The following ALPL variants were observed in gnomAD, a reference collection of about 807,000 sequenced individuals.
ALPL encodes alkaline phosphatase, biomineralization associated.
In ALPL, 42 loss-of-function variants were observed where a neutral mutation model predicts 51.3. The ratio of observed to expected loss-of-function variants is 0.82; its 90% confidence interval spans 0.64 to 1.06. The LOEUF is 1.06. Among genes scored for constraint, ALPL ranks in the 50% least tolerant of loss-of-function variants. The probability of loss-of-function intolerance (pLI) is 0.00; values close to 1 mark genes in which losing one functional copy is unlikely to be tolerated. For synonymous variants in ALPL, 279 were observed against 296.4 expected (o/e 0.94, Z 0.60); for missense variants, 589 against 709.4 (o/e 0.83, Z 1.93).
chr1:21,554,804 TCTG>T (rs1558543797), intron 2 of ALPL, among the ~76,000 whole-genome samples: 2,715 of 39,132 alleles, frequency 0.069, 51 homozygotes, highest in East Asian at 0.1. Flanking sequence ...TGTCTGTCTG[TCTG>T]TCTGTCTGTC....
At chr1:21,547,401 A>G (rs1247270894) in intron 1 of ALPL, among the ~76,000 whole-genome samples, 2 of 152,120 alleles carry the variant, frequency 1.3e-5, no homozygotes, top group Non-Finnish European at 2.9e-5. Flanking sequence ...TCTTTGCCCC[A>G]AGATGGCCCT....
intron 2 of ALPL, among the ~76,000 whole-genome samples, chr1:21,557,607 G>C (rs541584717): frequency 6.6e-6 from 1 of 152,350 alleles, no homozygotes; most frequent in African/African-American, 2.4e-5. Context: ...TGTATCTGCT[G>C]TTGCCAGGCT....
chr1:21,511,635 A>G (rs1298828502), intron 1 of ALPL, among the ~76,000 whole-genome samples: 1 of 152,152 alleles, frequency 6.6e-6, no homozygotes, highest in Non-Finnish European at 1.5e-5. Context: ...GCTCACACTC[A>G]GATGCCACCT....
intron 1 of ALPL, among the ~76,000 whole-genome samples, chr1:21,552,106 T>C (rs190888672): frequency 0.14 from 4,718 of 33,248 alleles, 182 homozygotes; most frequent in African/African-American, 0.22. Flanking sequence ...CCCTTCCCTT[T>C]CCTCCCCTTC....
chr1:21,566,977 T>A (rs538534036), intron 6 of ALPL, among the ~76,000 whole-genome samples: 1 of 152,082 alleles, frequency 6.6e-6, no homozygotes, highest in South Asian at 2.1e-4. Flanking sequence ...AGAGTCAGGG[T>A]TCAAACCCAA....
chr1:21,560,489 G>A (rs1644467491), intron 2 of ALPL, 137 bp from the exon 3 acceptor site: 2 of 1,134,848 alleles, frequency 1.8e-6, no homozygotes. Flanking sequence ...CAGATGTGTT[G>A]TCTGGGTGGG....
intron 9 of ALPL, 62 bp from the exon 10 acceptor site, chr1:21,575,671 G>T: frequency 6.3e-7 from 1 of 1,591,674 alleles, no homozygotes. Flanking sequence ...AGTGTTGTGG[G>T]GCTGGGGAGC....
At chr1:21,549,655 G>A (rs1005341849) in intron 1 of ALPL, among the ~76,000 whole-genome samples, 11 of 151,928 alleles carry the variant, frequency 7.2e-5, no homozygotes, top group African/African-American at 2.7e-4. Flanking sequence ...TGTAGAGAGA[G>A]TTTCACCATG....
In ALPL at chr1:21,522,448, A is replaced by C. The variant is rs185030367; in HGVS notation, c.-105+12931A>C. Among the ~76,000 whole-genome samples, 8 of 152,224 alleles carry C rather than the reference A, an allele frequency of 5.3e-5. No individual in the cohort carries two copies. The East Asian group carries it at 1.4e-3, about 26-fold the overall frequency. ...CATGTATTTTTTCATTTATCCTTGC[A>C]CCTGAGGCTCAGAGAGATTATGTTC... On this transcript the variant is annotated intron_variant, in intron 1 of 11. Transcript: ENST00000374840.
At chr1:21,544,908 G>T (rs1644233447) in intron 1 of ALPL, among the ~76,000 whole-genome samples, 2 of 150,020 alleles carry the variant, frequency 1.3e-5, no homozygotes, top group Non-Finnish European at 3.0e-5. Flanking sequence ...GTTTTGTTTT[G>T]TTTTTTTTTC....
intron 6 of ALPL, among the ~76,000 whole-genome samples, chr1:21,565,627 G>A (rs1256333): frequency 0.43 from 64,503 of 149,544 alleles, 14,119 homozygotes; most frequent in African/African-American, 0.47. Context: ...AGGGGGGGCC[G>A]CAGGGGCCAC....
intron 1 of ALPL, among the ~76,000 whole-genome samples, chr1:21,528,502 C>T (rs979177451): frequency 1.3e-5 from 2 of 151,742 alleles, no homozygotes; most frequent in Non-Finnish European, 2.9e-5. Context: ...CATGTGCCAC[C>T]ATGCCTGGCT....
intron 10 of ALPL, among the ~76,000 whole-genome samples, chr1:21,576,279 ATGGATGGGTGGATGGATGGATGGATGGG>A (rs1473912604): frequency 7.4e-5 from 11 of 148,232 alleles, no homozygotes; most frequent in African/African-American, 2.0e-4. Context: ...GGGTGGATGG[ATGGATGGGTGGATGGATGGATGGATGGG>A]TGGATGGATG....
At chr1:21,572,406 T>C (rs1644661780) in intron 8 of ALPL, among the ~76,000 whole-genome samples, 1 of 152,142 alleles carries the variant, frequency 6.6e-6, no homozygotes, top group Non-Finnish European at 1.5e-5. Context: ...ACATGGTGGC[T>C]GGCTTCCCAC....
intron 1 of ALPL, among the ~76,000 whole-genome samples, chr1:21,542,592 G>A (rs950966375): frequency 3.9e-5 from 6 of 152,100 alleles, no homozygotes; most frequent in African/African-American, 7.2e-5. Context: ...CTGTAATCCC[G>A]GTGCTTTGGG....
intron 1 of ALPL, among the ~76,000 whole-genome samples, chr1:21,526,986 ATTCTGAGTT>A (rs1349486061): frequency 2.2e-5 from 3 of 137,014 alleles, no homozygotes. Context: ...AAATTGTCTA[ATTCTGAGTT>A]ACAGATCTAT....
rs529072213 is a variant in ALPL, at chr1:21,554,859, T to C, written c.61+717T>C. Among the ~76,000 whole-genome samples, 1,072 of 133,844 alleles carry C rather than the reference T, an allele frequency of 8.0e-3. 7 individuals carry two copies. Among genetic ancestry groups the C allele is most frequent in the Middle Eastern group, 0.014 (4 of 278 alleles). The allele number at this position is 133,844 out of a possible 152,430, so 87.8% of individuals were successfully genotyped here. ...TTTCTTTCTTTCTTTCTTTCTTTCT[T>C]TCTTTCTTTCTTTCTCTCTTTCTTT... On this transcript the variant is annotated intron_variant, in intron 2 of 11. Transcript: ENST00000374840.
Position 21,577,438 on chromosome 1 carries a change from C to CCCCAT in ALPL, c.1365_1366insCCCAT (p.Gly456ProfsTer30), listed in dbSNP as rs1644753677. 1 of 1,612,316 alleles carries CCCCAT rather than the reference C, an allele frequency of 6.2e-7. No homozygotes were observed. Among genetic ancestry groups the CCCCAT allele is most frequent in the Non-Finnish European group, 8.5e-7 (1 of 1,179,958 alleles). ...TGCCCCTGCGCCACGAGACCCACGG[C>CCCCAT]GGGGAGGACGTGGCCGTCTTCTCCA... is the stretch of plus-strand genomic sequence containing the variant. On this transcript the variant is annotated frameshift_variant, in exon 12 of 12. Coordinates refer to ENST00000374840, the MANE Select transcript of ALPL (RefSeq NM_000478.6). LOFTEE classifies it high-confidence loss of function.
At chr1:21,533,737 A>G (rs1045692118) in intron 1 of ALPL, among the ~76,000 whole-genome samples, 2 of 152,022 alleles carry the variant, frequency 1.3e-5, no homozygotes, top group Admixed American at 6.6e-5. Context: ...CCTGGCCAAC[A>G]TGGTGAAACC....
Sources: allele counts gnomAD v4.1 joint callset (sites outside exome capture counted in the v4.1 genomes callset), GRCh38; gene constraint gnomAD v4.1.1; transcripts MANE v1.5; gene names NCBI Gene and HGNC (gene_info 2026-07-23, HGNC 2026-07-21).